Variants in GLI2 observed in about 807,000 individuals in gnomAD.
The protein encoded by GLI2 is transcription activator GLI2.
Under a neutral mutation model 78.9 loss-of-function variants are expected in GLI2, and 22 were observed. The observed-to-expected ratio is 0.28, with a 90% confidence interval of 0.20 to 0.40. The LOEUF is 0.40. Among genes scored for constraint, GLI2 ranks in the 10% least tolerant of loss-of-function variants. GLI2 has a pLI of 1.00. For missense variants in GLI2, 2,097 were observed against 2,213.2 expected, an observed-to-expected ratio of 0.95 and a Z score of 1.05; for synonymous variants, 974 against 963.7, an observed-to-expected ratio of 1.01 and a Z score of -0.20.
chr2:120,781,501 G>A (rs1041347159), intron 1 of GLI2, among the ~76,000 whole-genome samples: 5 of 152,184 alleles, frequency 3.3e-5, no homozygotes, highest in African/African-American at 9.7e-5. Flanking sequence ...CAGGAGTCAG[G>A]CTCGATTTAT....
chr2:120,971,646 C>T (rs967870049), intron 7 of GLI2, among the ~76,000 whole-genome samples: 11 of 152,212 alleles, frequency 7.2e-5, no homozygotes, highest in African/African-American at 2.2e-4. Flanking sequence ...CTGGTCAGAA[C>T]AGGAGCAAGG....
intron 2 of GLI2, among the ~76,000 whole-genome samples, chr2:120,874,098 CG>C (rs1160891545): frequency 1.2e-4 from 18 of 152,098 alleles, no homozygotes; most frequent in Admixed American, 1.1e-3. Context: ...CAGAGGCTCC[CG>C]GCTGCACACA....
chr2:120,878,956 T>A (rs978574719), intron 2 of GLI2, among the ~76,000 whole-genome samples: 1 of 151,998 alleles, frequency 6.6e-6, no homozygotes, highest in Non-Finnish European at 1.5e-5. Flanking sequence ...TTCTTCTGGC[T>A]GCAGTCCTCC....
intron 2 of GLI2, among the ~76,000 whole-genome samples, chr2:120,815,541 G>A (rs1486638335): frequency 1.3e-5 from 2 of 152,186 alleles, no homozygotes; most frequent in African/African-American, 4.8e-5. Flanking sequence ...CAAGTACCAC[G>A]GGATTGAGCC....
intron 2 of GLI2, among the ~76,000 whole-genome samples, chr2:120,812,082 G>T (rs904704627): frequency 2.0e-5 from 3 of 152,176 alleles, no homozygotes; most frequent in African/African-American, 7.2e-5. Flanking sequence ...GGCGGCCTCA[G>T]CCTTCCTTGA....
intron 3 of GLI2, among the ~76,000 whole-genome samples, chr2:120,938,787 G>A (rs529613569): frequency 1.3e-5 from 2 of 152,230 alleles, no homozygotes; most frequent in Non-Finnish European, 1.5e-5. Context: ...TCATGTAGAC[G>A]ACTGAGCCTC....
intron 2 of GLI2, among the ~76,000 whole-genome samples, chr2:120,894,936 ATCT>A (rs1331499903): frequency 2.6e-5 from 4 of 152,092 alleles, no homozygotes; most frequent in Non-Finnish European, 5.9e-5. Context: ...TGACCTCGTG[ATCT>A]GCCCGCCTCA....
At chr2:120,829,836 A>G (rs544515189) in intron 2 of GLI2, among the ~76,000 whole-genome samples, 1 of 152,134 alleles carries the variant, frequency 6.6e-6, no homozygotes, top group Admixed American at 6.5e-5. Flanking sequence ...GGCTGGGGGC[A>G]CTCAGAGGGA....
At chr2:120,837,267 G>A (rs1038534788) in intron 2 of GLI2, among the ~76,000 whole-genome samples, 9 of 151,996 alleles carry the variant, frequency 5.9e-5, no homozygotes, top group African/African-American at 1.2e-4. Context: ...GGTGGCGGGC[G>A]CCTGTAGTCC....
chr2:120,767,605 C>T (rs1398664454), intron 1 of GLI2, among the ~76,000 whole-genome samples: 5 of 152,222 alleles, frequency 3.3e-5, no homozygotes, highest in Admixed American at 2.0e-4. Flanking sequence ...CACAGGGGCA[C>T]GGGAGCAGTG....
chr2:120,853,882 T>G (rs1687522589), intron 2 of GLI2, among the ~76,000 whole-genome samples: 1 of 151,942 alleles, frequency 6.6e-6, no homozygotes, highest in Non-Finnish European at 1.5e-5. Context: ...ATTTGCACGG[T>G]GGTGGTAGTG....
rs140565050 is a variant in GLI2, at chr2:120,990,219, C to T, written c.4254C>T (p.Asp1418=). The T allele has an allele frequency of 5.3e-5, 85 of 1,613,558 alleles. No homozygotes were observed. The highest frequency in any genetic ancestry group is 4.2e-4 in the East Asian group (19 of 44,880). The change falls in exon 14 of 14, where the codon GAC becomes GAT. Residue 1418 remains aspartate (D), a synonymous_variant. Coordinates refer to ENST00000361492, the MANE Select transcript of GLI2 (RefSeq NM_001374353.1). ...TGCCTCCCCAGCCGCCTCCGCAGGA[C>T]GCAGGTGGGGCCCCGGACCACAGCA... The part of the protein sequence containing the change: ...GSVPPQPPPQ[D]AGGAPDHSML...
At chr2:120,839,893 G>C (rs1686787565) in intron 2 of GLI2, among the ~76,000 whole-genome samples, 1 of 152,198 alleles carries the variant, frequency 6.6e-6, no homozygotes, top group African/African-American at 2.4e-5. Context: ...TCCTTGCAAA[G>C]GTCTAATTCA....
At position 120,951,040 on chromosome 2, in the gene GLI2, AC is replaced by A. The variant is rs142192727; in HGVS notation, c.255-202del. Among the ~76,000 whole-genome samples the A allele has an allele frequency of 0.01, 1,533 of 152,254 alleles. 16 individuals are homozygous for A. The highest frequency in any genetic ancestry group is 0.039 in the South Asian group (189 of 4,822). ...GTGCACGCACCAGCGTGGAGCTTTCACTCTGCATTCACTGACTAATGCTTGA... is the reference window on the plus strand; with the variant it reads ...GTGCACGCACCAGCGTGGAGCTTTCATCTGCATTCACTGACTAATGCTTGA... On this transcript the variant is annotated intron_variant, in intron 3 of 13. Transcript: ENST00000361492.
At chr2:120,836,531 T>A (rs554620304) in intron 2 of GLI2, among the ~76,000 whole-genome samples, 10 of 152,310 alleles carry the variant, frequency 6.6e-5, no homozygotes, top group African/African-American at 1.9e-4. Context: ...ATTGTTGCCA[T>A]GGGTGGCACA....
intron 2 of GLI2, among the ~76,000 whole-genome samples, chr2:120,837,454 G>GTCT (rs1686672586): frequency 6.6e-6 from 1 of 150,410 alleles, no homozygotes; most frequent in African/African-American, 2.5e-5. Flanking sequence ...TAATTTCTCA[G>GTCT]TCTTCTGTTG....
chr2:120,855,450 T>A (rs1485742374), intron 2 of GLI2, among the ~76,000 whole-genome samples: 1 of 152,208 alleles, frequency 6.6e-6, no homozygotes, highest in East Asian at 1.9e-4. Flanking sequence ...GGGAGCACTG[T>A]GAATTCAGGG....
intron 5 of GLI2, among the ~76,000 whole-genome samples, chr2:120,956,906 CT>C (rs369072369): frequency 3.9e-5 from 6 of 152,116 alleles, no homozygotes; most frequent in African/African-American, 1.4e-4. Context: ...CCCTTCACTT[CT>C]CTAAGGCCTG....
chr2:120,905,867 G>GCCCCCCCCCCCCC (rs149778827), intron 2 of GLI2, among the ~76,000 whole-genome samples: 6 of 145,998 alleles, frequency 4.1e-5, no homozygotes, highest in African/African-American at 1.3e-4. Flanking sequence ...GGGCTACACT[G>GCCCCCCCCCCCCC]CCCCCCCCCC....
Sources: gnomAD v4.1 joint callset for allele counts (sites outside exome capture counted in the v4.1 genomes callset) on GRCh38, gnomAD v4.1.1 for gene constraint, MANE v1.5 for transcripts, NCBI Gene and HGNC (gene_info 2026-07-23, HGNC 2026-07-21) for gene names.